The following ZNF185 variants were observed in gnomAD, a reference collection of about 807,000 sequenced individuals.
ZNF185 encodes the protein zinc finger protein 185 with LIM domain, also known as zinc finger protein 185.
In ZNF185, 56 loss-of-function variants were observed where a neutral mutation model predicts 58.6. That is an observed-to-expected ratio of 0.95 (90% confidence interval 0.77 to 1.19). The LOEUF (loss-of-function observed/expected upper bound fraction) is 1.19, where lower values mean the gene tolerates loss of function less well. Ranked by LOEUF, ZNF185 falls within the 50% of genes most tolerant of loss-of-function variation. ZNF185 has a pLI of 0.00. For synonymous variants in ZNF185, 230 were observed against 215.9 expected (o/e 1.07, Z -0.57); for missense variants, 627 against 573.5 (o/e 1.09, Z -0.95).
the ZNF185 span, among the ~76,000 whole-genome samples, chrX:152,909,164 C>T: frequency 8.9e-6 from 1 of 112,439 alleles, no homozygotes; most frequent in Non-Finnish European, 1.9e-5. Flanking sequence ...CCCCGGAGAG[C>T]GGAGAGCTGA....
At chrX:152,964,370 G>T (rs1261716784) in intron 18 of ZNF185, among the ~76,000 whole-genome samples, 3 of 112,686 alleles carry the variant, frequency 2.7e-5, no homozygotes, top group East Asian at 5.6e-4. Context: ...GGCTGCACAA[G>T]CATGGCACCA....
chrX:152,908,871 G>A, the ZNF185 span, among the ~76,000 whole-genome samples: 2 of 113,560 alleles, frequency 1.8e-5, no homozygotes, highest in African/African-American at 6.4e-5. Flanking sequence ...GGCTGCACAC[G>A]GTACTGCTGG....
At chrX:152,936,487 C>T (rs781981629) in intron 14 of ZNF185, 1 of 1,165,268 alleles carries the variant, frequency 8.6e-7, no homozygotes, top group African/African-American at 1.8e-5. Context: ...ACTCTCAGTC[C>T]TGCAAGCCTA....
intron 15 of ZNF185, chrX:152,941,654 G>A: frequency 8.7e-7 from 1 of 1,155,952 alleles, no homozygotes; most frequent in South Asian, 1.9e-5. Flanking sequence ...ATTTCTTGAA[G>A]CCCCGAACTC....
upstream of ZNF185, among the ~76,000 whole-genome samples, chrX:152,913,349 C>G (rs1937632406): frequency 8.9e-6 from 1 of 112,414 alleles, no homozygotes; most frequent in Admixed American, 9.3e-5. Flanking sequence ...GGGTCGCTCC[C>G]AGCCTGGAGA....
intron 21 of ZNF185, among the ~76,000 whole-genome samples, 197 bp from the exon 24 acceptor site, chrX:152,970,245 TG>T (rs2050542246): frequency 9.0e-6 from 1 of 111,140 alleles, no homozygotes; most frequent in Non-Finnish European, 1.9e-5. Flanking sequence ...TACTCCCTAC[TG>T]AAAAAAAAGG....
chrX:152,962,420 TC>T (rs1386899661), intron 17 of ZNF185, among the ~76,000 whole-genome samples: 1 of 111,816 alleles, frequency 8.9e-6, no homozygotes, highest in East Asian at 2.8e-4. Context: ...CCTTGCCTCT[TC>T]AGTTGCGCCG....
At chrX:152,939,402 G>C (rs1556886561) in intron 15 of ZNF185, among the ~76,000 whole-genome samples, 1 of 112,203 alleles carries the variant, frequency 8.9e-6, no homozygotes, top group African/African-American at 3.2e-5. Flanking sequence ...CTGAAGCATA[G>C]AAAGATTAAG....
intron 15 of ZNF185, chrX:152,941,735 C>T (rs1556889860): frequency 5.2e-6 from 6 of 1,163,728 alleles, no homozygotes; most frequent in Non-Finnish European, 5.7e-6. Flanking sequence ...AGCTCGGCCT[C>T]GGCGGGGATT....
intron 14 of ZNF185, among the ~76,000 whole-genome samples, chrX:152,934,968 C>T (rs920523809): frequency 8.1e-5 from 9 of 111,340 alleles, no homozygotes; most frequent in East Asian, 2.8e-4. Flanking sequence ...GGACTACAGG[C>T]GTGGACCACC....
At chrX:152,933,757 T>C (rs73244137) in intron 14 of ZNF185, among the ~76,000 whole-genome samples, 23,432 of 112,009 alleles carry the variant, frequency 0.21, 1,870 homozygotes, top group Non-Finnish European at 0.24. Flanking sequence ...CAAGATATCA[T>C]CTGCCTCCTG....
At position 152,924,974 on chromosome X, in the gene ZNF185, G is replaced by A. The variant is rs1184702932; in HGVS notation, c.830+2165G>A. On this transcript the variant is annotated intron_variant, in intron 11 of 22. Coordinates refer to ENST00000449285, the Ensembl canonical transcript of ZNF185. The stretch of plus-strand genomic sequence containing the variant: ...TGGGATTACAGGCGTGAGCCACCGC[G>A]CTTGGCCTCAGGTGCCTTTTAGAAG... Among the ~76,000 whole-genome samples, 8 of 111,758 alleles carry A rather than the reference G, an allele frequency of 7.2e-5. No individual in the cohort carries two copies. In the East Asian group the frequency reaches 1.2e-3, roughly 16 times the overall value.
intron 11 of ZNF185, among the ~76,000 whole-genome samples, chrX:152,924,507 GC>G (rs1351265337): frequency 9.0e-6 from 1 of 111,483 alleles, no homozygotes; most frequent in Non-Finnish European, 1.9e-5. Flanking sequence ...TTCTTTAAAG[GC>G]CCCATCTCCA....
At chrX:152,941,951 G>T in intron 15 of ZNF185, 4 of 959,175 alleles carry the variant, frequency 4.2e-6, no homozygotes, top group African/African-American at 4.1e-5. Context: ...AGCTTGTTTC[G>T]CAGGGAGCCC....
chrX:152,941,673 T>G (rs1556889669), intron 15 of ZNF185: 1 of 1,161,370 alleles, frequency 8.6e-7, no homozygotes, highest in African/African-American at 1.8e-5. Flanking sequence ...TCGGTCGCAG[T>G]GCCCGCCGGG....
At chrX:152,934,195 T>C (rs900114520) in intron 14 of ZNF185, among the ~76,000 whole-genome samples, 2 of 112,754 alleles carry the variant, frequency 1.8e-5, no homozygotes, top group African/African-American at 6.4e-5. Flanking sequence ...TCCAAACCCT[T>C]TCCCATGGCC....
At chrX:152,970,540 A>C in exon 22 of ZNF185, 1 of 1,208,941 alleles carries the variant, frequency 8.3e-7, no homozygotes, top group Non-Finnish European at 1.1e-6. Flanking sequence ...AAGCTCTTCT[A>C]GGTGGGTGCT....
At chrX:152,914,151 A>G (rs782275489), upstream of ZNF185, among the ~76,000 whole-genome samples, 271 of 111,664 alleles carry the variant, frequency 2.4e-3, no homozygotes, top group Non-Finnish European at 4.0e-3. Context: ...AGGAGGGCTC[A>G]TGTTCTCCCG....
intron 12 of ZNF185, among the ~76,000 whole-genome samples, chrX:152,929,297 C>A (rs965067946): frequency 9.0e-6 from 1 of 111,277 alleles, no homozygotes; most frequent in East Asian, 2.8e-4. Context: ...GGTCAGACAG[C>A]CAGGTGACAT....
Sources: gnomAD v4.1 joint callset for allele counts (sites outside exome capture counted in the v4.1 genomes callset) on GRCh38, gnomAD v4.1.1 for gene constraint, MANE v1.5 for transcripts, NCBI Gene and HGNC (gene_info 2026-07-23, HGNC 2026-07-21) for gene names.